Variants in RIMS2 observed in about 807,000 individuals in gnomAD.
RIMS2 encodes the protein regulating synaptic membrane exocytosis 2.
Under a neutral mutation model 174.4 loss-of-function variants are expected in RIMS2, and 59 were observed. The ratio of observed to expected loss-of-function variants is 0.34; its 90% confidence interval spans 0.27 to 0.42. RIMS2 has a LOEUF of 0.42. Ranked by LOEUF, RIMS2 falls within the 10% of genes least tolerant of loss-of-function variation. The pLI is 1.00. For synonymous variants in RIMS2, 606 were observed against 572.5 expected, an observed-to-expected ratio of 1.06 and a Z score of -0.84; for missense variants, 1,620 against 1,666.3, an observed-to-expected ratio of 0.97 and a Z score of 0.48.
chr8:103,502,556 CTT>C (rs766404539), intron 1 of RIMS2, among the ~76,000 whole-genome samples: 5 of 152,104 alleles, frequency 3.3e-5, no homozygotes, highest in Non-Finnish European at 1.5e-5. Flanking sequence ...AATTAAGAGA[CTT>C]AAGCAGTTTA....
At chr8:103,501,047 A>G in exon 1 of RIMS2, 1 of 1,607,616 alleles carries the variant, frequency 6.2e-7, no homozygotes, top group Non-Finnish European at 8.5e-7. Flanking sequence ...GAGGAGAAGG[A>G]GCAGTCCGTG....
At chr8:104,140,710 C>T (rs772817240) in intron 19 of RIMS2, among the ~76,000 whole-genome samples, 9 of 152,170 alleles carry the variant, frequency 5.9e-5, no homozygotes, top group Non-Finnish European at 1.2e-4. Flanking sequence ...TTTCAGCCCC[C>T]ACTTGCTGCC....
intron 19 of RIMS2, among the ~76,000 whole-genome samples, chr8:104,085,300 G>A (rs1174181865): frequency 6.6e-6 from 1 of 152,140 alleles, no homozygotes; most frequent in African/African-American, 2.4e-5. Flanking sequence ...GTAGCTGTAG[G>A]CTTGGGTTTG....
intron 19 of RIMS2, among the ~76,000 whole-genome samples, chr8:104,021,964 T>C (rs530058085): frequency 6.6e-6 from 1 of 152,162 alleles, no homozygotes; most frequent in Non-Finnish European, 1.5e-5. Context: ...TCTTATGTGC[T>C]GAGTTAATCT....
intron 19 of RIMS2, among the ~76,000 whole-genome samples, chr8:104,130,859 CAG>C (rs1467123404): frequency 6.6e-6 from 1 of 151,982 alleles, no homozygotes; most frequent in Non-Finnish European, 1.5e-5. Context: ...GAGAAAAAAG[CAG>C]ATGTCAAGGC....
intron 1 of RIMS2, among the ~76,000 whole-genome samples, chr8:103,608,456 C>T (rs2095232224): frequency 6.9e-6 from 1 of 144,432 alleles, no homozygotes; most frequent in Non-Finnish European, 1.5e-5. Context: ...TTTGTCTGTG[C>T]CCTGCCCCCA....
intron 4 of RIMS2, among the ~76,000 whole-genome samples, chr8:103,893,576 T>C (rs1478853733): frequency 6.6e-6 from 1 of 152,122 alleles, no homozygotes; most frequent in Non-Finnish European, 1.5e-5. Context: ...GCCCATCACT[T>C]TTCTGTATAT....
At chr8:103,658,440 G>A (rs1355032976) in intron 1 of RIMS2, among the ~76,000 whole-genome samples, 1 of 152,182 alleles carries the variant, frequency 6.6e-6, no homozygotes, top group African/African-American at 2.4e-5. Flanking sequence ...GTTTTAGAAA[G>A]GAGGAGCAGA....
chr8:103,847,695 C>A (rs985248632), intron 3 of RIMS2, among the ~76,000 whole-genome samples: 1 of 151,996 alleles, frequency 6.6e-6, no homozygotes, highest in Non-Finnish European at 1.5e-5. Flanking sequence ...GTGCAGCCAA[C>A]TTATCACCAG....
At chr8:103,728,839 G>A (rs577522502) in intron 2 of RIMS2, among the ~76,000 whole-genome samples, 18 of 146,670 alleles carry the variant, frequency 1.2e-4, no homozygotes, top group African/African-American at 4.6e-4. Context: ...TGATCGTGTG[G>A]TTTTTGTCCT....
chr8:103,568,996 C>G, intron 1 of RIMS2: 4 of 500,878 alleles, frequency 8.0e-6, no homozygotes, highest in Non-Finnish European at 1.4e-5. Context: ...TCCTATCGCT[C>G]TTTTCACTTT....
At chr8:104,228,595 A>G (rs1587879063) in intron 19 of RIMS2, among the ~76,000 whole-genome samples, 1 of 152,332 alleles carries the variant, frequency 6.6e-6, no homozygotes, top group South Asian at 2.1e-4. Context: ...TAGTTCCACC[A>G]TTCTTTTCAC....
chr8:103,709,708 T>C (rs974489894), intron 2 of RIMS2, among the ~76,000 whole-genome samples: 1 of 152,144 alleles, frequency 6.6e-6, no homozygotes, highest in African/African-American at 2.4e-5. Flanking sequence ...TGAGTATTTT[T>C]CTCATATGTA....
intron 19 of RIMS2, among the ~76,000 whole-genome samples, chr8:104,109,140 A>G (rs1388308638): frequency 6.6e-6 from 1 of 151,832 alleles, no homozygotes; most frequent in East Asian, 1.9e-4. Context: ...TACTAAAAAT[A>G]CAAAAAATTA....
At chr8:103,667,757 G>A (rs1046962161) in intron 1 of RIMS2, among the ~76,000 whole-genome samples, 2 of 152,200 alleles carry the variant, frequency 1.3e-5, no homozygotes, top group African/African-American at 4.8e-5. Context: ...TTGGAAAGCT[G>A]TCTGAATCTG....
intron 4 of RIMS2, among the ~76,000 whole-genome samples, chr8:103,908,417 C>A (rs918779707): frequency 6.6e-6 from 1 of 152,168 alleles, no homozygotes; most frequent in Non-Finnish European, 1.5e-5. Context: ...TATCAAAAAT[C>A]AACCACCATA....
intron 1 of RIMS2, among the ~76,000 whole-genome samples, chr8:103,664,023 A>G (rs941180895): frequency 2.0e-5 from 3 of 152,218 alleles, no homozygotes; most frequent in African/African-American, 7.2e-5. Flanking sequence ...GACAAAAACA[A>G]TGGGGAAAGG....
At chr8:103,601,244 G>A (rs1173073852) in intron 1 of RIMS2, among the ~76,000 whole-genome samples, 1 of 151,976 alleles carries the variant, frequency 6.6e-6, no homozygotes, top group African/African-American at 2.4e-5. Flanking sequence ...TTTTGCTTTG[G>A]TTGCCCATGC....
At position 104,221,402 on chromosome 8, in the gene RIMS2, T is replaced by C. The variant is rs75535676; in HGVS notation, c.3335-23514T>C. ...TCATGACTCATTTGTGACCCACAGTTTAAAAAAAATTAGGTGACTTTTAAT... is the reference window on the plus strand; with the variant it reads ...TCATGACTCATTTGTGACCCACAGTCTAAAAAAAATTAGGTGACTTTTAAT... On this transcript the variant is annotated intron_variant, in intron 19 of 23. Coordinates refer to ENST00000504942, the Ensembl canonical transcript of RIMS2. Among the ~76,000 whole-genome samples, 1,506 of 152,270 alleles carry C rather than the reference T, an allele frequency of 9.9e-3. 21 individuals are homozygous for C. Among genetic ancestry groups the C allele is most frequent in the African/African-American group, 0.033 (1,357 of 41,562 alleles).
Sources: gnomAD v4.1 joint callset for allele counts (sites outside exome capture counted in the v4.1 genomes callset) on GRCh38, gnomAD v4.1.1 for gene constraint, MANE v1.5 for transcripts, NCBI Gene and HGNC (gene_info 2026-07-23, HGNC 2026-07-21) for gene names.